Variants in ZNF718 observed in about 807,000 individuals in gnomAD.
ZNF718 encodes the protein zinc finger protein 718.
ZNF718 carries 3 observed loss-of-function variants against 2.6 expected under a neutral mutation model. The ratio of observed to expected loss-of-function variants is 1.16; its 90% CI spans 0.53 to 3.01. The LOEUF is 3.01. ZNF718 is among the 30% of genes most tolerant of loss of function. ZNF718 has a pLI of 0.03. For missense variants in ZNF718, 468 were observed against 230.0 expected (o/e 2.03, Z -6.69); for synonymous variants, 135 against 77.9 (o/e 1.73, Z -3.86).
chr4:147,850 A>G (rs1716135080), intron 3 of ZNF718, among the ~76,000 whole-genome samples: 1 of 152,152 alleles, frequency 6.6e-6, no homozygotes, highest in Non-Finnish European at 1.5e-5. Context: ...CCTGGGCGAC[A>G]GAGCGAGATT....
intron 3 of ZNF718, among the ~76,000 whole-genome samples, chr4:142,716 G>A (rs1291981773): frequency 6.8e-6 from 1 of 148,094 alleles, no homozygotes; most frequent in African/African-American, 2.5e-5. Flanking sequence ...AAACAAAGAG[G>A]TACCTGTGCA....
At chr4:157,192 A>G (rs1305560993) in intron 3 of ZNF718, among the ~76,000 whole-genome samples, 8 of 139,128 alleles carry the variant, frequency 5.8e-5, no homozygotes, top group African/African-American at 1.9e-4. Context: ...AGTTCACTGC[A>G]ACCTCTGCCT....
chr4:200,819 TA>T (rs1217992806), intron 3 of ZNF718, among the ~76,000 whole-genome samples: 1 of 152,204 alleles, frequency 6.6e-6, no homozygotes, highest in Non-Finnish European at 1.5e-5. Flanking sequence ...AGTGATTATT[TA>T]ATGCTGCAAG....
At chr4:178,218 A>C (rs1717387845) in intron 3 of ZNF718, among the ~76,000 whole-genome samples, 1 of 150,894 alleles carries the variant, frequency 6.6e-6, no homozygotes, top group South Asian at 2.1e-4. Context: ...GGCTCACTGC[A>C]GCCTTGACAT....
At position 161,907 on chromosome 4, in the gene ZNF718, G is replaced by A. The variant is rs374548556; in HGVS notation, c.1222G>A (p.Ala408Thr). Residue 408 changes from alanine (A) to threonine (T), a missense_variant, in exon 4 of 4, where the codon GCA becomes ACA. Ala to Thr is a moderately conservative substitution (Grantham distance 58). Transcript: ENST00000510175. ...TTGTGGCAAAGCCTTTAAAGTGTTT[G>A]CAAACCTGCATAATCATAAGAAAAT... ...EDCGKAFKVF[A>T]NLHNHKKIHT... 1.0e-5 allele frequency: 8 copies of A among 779,372 alleles called. No homozygotes were observed. Among genetic ancestry groups the A allele is most frequent in the Non-Finnish European group, 1.9e-5 (8 of 417,518 alleles). 48.3% of individuals were successfully genotyped at this position (779,372 alleles called of 1,614,324 possible). A position where few individuals can be genotyped will look rare whatever the true frequency, so the allele number is the denominator to read the frequency against.
chr4:175,852 CTTTTTTTTT>C (rs1158577358), intron 3 of ZNF718, among the ~76,000 whole-genome samples: 1 of 98,930 alleles, frequency 1.0e-5, no homozygotes, highest in African/African-American at 3.8e-5. Flanking sequence ...GATTAACAGT[CTTTTTTTTT>C]TTTTTTTTTT....
chr4:152,975 A>G lies in ZNF718; in HGVS notation c.227-7937A>G, dbSNP rs576106456. Among the ~76,000 whole-genome samples, 8 of 116,488 alleles carry G rather than the reference A, an allele frequency of 6.9e-5. 1 individual carries two copies. In the South Asian group the frequency reaches 2.2e-3, roughly 32 times the overall value. The allele number at this position is 116,488 out of a possible 152,430, so 76.4% of individuals were successfully genotyped here. On this transcript the variant is annotated intron_variant, in intron 3 of 3. Transcript: ENST00000510175. Reference sequence around the variant, plus strand: ...TTACATGTACTTTGAGGTCTTAAACATTTTTTTCTCTGTAATATGTGGTAA... The same window carrying G: ...TTACATGTACTTTGAGGTCTTAAACGTTTTTTTCTCTGTAATATGTGGTAA...
At chr4:151,654 C>T (rs1553812560) in intron 3 of ZNF718, among the ~76,000 whole-genome samples, 13 of 151,822 alleles carry the variant, frequency 8.6e-5, no homozygotes, top group Non-Finnish European at 7.4e-5. Context: ...CTCATTTTGC[C>T]TTTTTAGTAG....
In ZNF718 at chr4:161,850, C is replaced by T. The variant is rs1273269083; in HGVS notation, c.1165C>T (p.His389Tyr). 1 of 780,622 alleles carries T rather than the reference C, an allele frequency of 1.3e-6. No homozygotes were observed. The highest frequency in any genetic ancestry group is 1.7e-5 in the African/African-American group (1 of 59,096). 48.4% of individuals were successfully genotyped at this position (780,622 alleles called of 1,614,324 possible). Residue 389 changes from histidine (H) to tyrosine (Y), a missense_variant, in exon 4 of 4, where the codon CAC becomes TAC. His to Tyr is a moderately conservative substitution (Grantham distance 83). Coordinates refer to ENST00000510175, the MANE Select transcript of ZNF718 (RefSeq NM_001039127.6). ...SSTLNVHKRI[H>Y]SGKNPYKCED... ...AACCCTTAATGTACACAAGAGAATT[C>T]ACTCTGGAAAAAATCCCTACAAATG... is the stretch of plus-strand genomic sequence containing the variant.
intron 1 of ZNF718, chr4:124,969 C>A: frequency 2.7e-6 from 1 of 363,694 alleles, no homozygotes; most frequent in Non-Finnish European, 5.1e-6. Context: ...GTGGGAGGAG[C>A]TGTGGTCCGG....
intron 3 of ZNF718, among the ~76,000 whole-genome samples, chr4:187,709 CAG>C (rs1376880097): frequency 6.6e-6 from 1 of 152,078 alleles, no homozygotes; most frequent in African/African-American, 2.4e-5. Flanking sequence ...CTCACCCAAT[CAG>C]GGGAAAGGGG....
chr4:130,640 G>C (rs1399464207), intron 1 of ZNF718, 148 bp from the exon 2 acceptor site: 1 of 154,254 alleles, frequency 6.5e-6, no homozygotes, highest in Non-Finnish European at 1.2e-5. Flanking sequence ...TATTCGGGAG[G>C]CTGAGGCAGG....
intron 3 of ZNF718, among the ~76,000 whole-genome samples, chr4:170,458 C>T (rs1581472590): frequency 6.6e-6 from 1 of 152,296 alleles, no homozygotes; most frequent in East Asian, 1.9e-4. Flanking sequence ...AACTTGGTTC[C>T]ATTCTCCCTG....
In ZNF718 at chr4:124,596, G is replaced by C; in HGVS notation, c.-75G>C. ...CCTCGGTGATTCTGCCACAGCCTCA[G>C]CCTCTGTGGCTCTGTGACCTGCCGG... On this transcript the variant is annotated 5_prime_UTR_variant, in exon 1 of 4. Coordinates refer to ENST00000510175, the MANE Select transcript of ZNF718 (RefSeq NM_001039127.6). 1.3e-6 allele frequency: 2 copies of C among 1,592,234 alleles called. No homozygotes were observed. Among genetic ancestry groups the C allele is most frequent in the South Asian group, 2.2e-5 (2 of 90,916 alleles).
rs140391894 is a variant in ZNF718 at position 126,450 on chromosome 4, A to C, written c.3+1777A>C. 3.6e-3 allele frequency among the ~76,000 whole-genome samples: 544 copies of C among 152,314 alleles called. 3 individuals carry two copies. The highest frequency in any genetic ancestry group is 0.012 in the African/African-American group (504 of 41,562). ...TGTCTTTATCTAGGACTTGGGAACTATTGCTTTGAAATGTGAATAGCAAGA... is the reference window on the plus strand; with the variant it reads ...TGTCTTTATCTAGGACTTGGGAACTCTTGCTTTGAAATGTGAATAGCAAGA... On this transcript the variant is annotated intron_variant, in intron 1 of 3. Transcript: ENST00000510175.
At position 192,863 on chromosome 4, in the gene ZNF718, G is replaced by T. The variant is rs1170611614; in HGVS notation, c.227-8218G>T. On this transcript the variant is annotated intron_variant and NMD_transcript_variant, in intron 3 of 4. Coordinates refer to the ZNF718 transcript ENST00000642529. Reference sequence around the variant, plus strand: ...TGAAATGTATGACCTGCAGTGCAGGGTATTATTTCTTCAGCACACTTCACA... The same window carrying T: ...TGAAATGTATGACCTGCAGTGCAGGTTATTATTTCTTCAGCACACTTCACA... Among the ~76,000 whole-genome samples the T allele has an allele frequency of 5.3e-5, 8 of 152,146 alleles. No individual in the cohort carries two copies. In the East Asian group the frequency reaches 1.3e-3, roughly 26 times the overall value.
chr4:174,409 G>A (rs1013959016), intron 3 of ZNF718, among the ~76,000 whole-genome samples: 10 of 152,122 alleles, frequency 6.6e-5, no homozygotes, highest in East Asian at 1.9e-4. Context: ...AATTGGGAGC[G>A]GTTCTCTGTC....
At chr4:148,394 AGG>A (rs1362572094) in intron 3 of ZNF718, among the ~76,000 whole-genome samples, 1 of 152,024 alleles carries the variant, frequency 6.6e-6, no homozygotes, top group African/African-American at 2.4e-5. Context: ...GGACCACCTG[AGG>A]TCAGGAGTTC....
At chr4:142,086 A>T (rs782060849) in intron 3 of ZNF718, 3 of 519,594 alleles carry the variant, frequency 5.8e-6, no homozygotes, top group Non-Finnish European at 7.7e-6. Flanking sequence ...TTTGGGCTTT[A>T]GGTTAACGGG....
Sources: allele counts gnomAD v4.1 joint callset (sites outside exome capture counted in the v4.1 genomes callset), GRCh38; gene constraint gnomAD v4.1.1; transcripts MANE v1.5; gene names NCBI Gene and HGNC (gene_info 2026-07-23, HGNC 2026-07-21).